Variants in ITSN1 observed in about 807,000 individuals in gnomAD.
ITSN1 encodes intersectin 1, also known as intersectin-1.
A neutral mutation model predicts 239.8 loss-of-function variants in ITSN1; 58 were observed. The observed-to-expected ratio is 0.24, with a 90% CI of 0.20 to 0.30. The LOEUF (loss-of-function observed/expected upper bound fraction) is 0.30. ITSN1 is among the 10% of genes least tolerant of loss of function. The pLI is 1.00. For missense variants in ITSN1, 1,558 were observed against 2,103.3 expected (o/e 0.74, Z 5.07); for synonymous variants, 780 against 770.8 (o/e 1.01, Z -0.20).
intron 8 of ITSN1, among the ~76,000 whole-genome samples, chr21:33,755,881 T>C (rs368823924): frequency 3.3e-5 from 5 of 152,212 alleles, no homozygotes; most frequent in African/African-American, 1.2e-4. Context: ...AAGGCCAGAG[T>C]TAACTTAGGT....
chr21:33,826,461 A>C (rs1379658800), intron 25 of ITSN1, among the ~76,000 whole-genome samples: 3 of 152,208 alleles, frequency 2.0e-5, no homozygotes, highest in Non-Finnish European at 4.4e-5. Context: ...AGCCATGTGA[A>C]AATAAGTCCG....
intron 1 of ITSN1, among the ~76,000 whole-genome samples, chr21:33,652,083 C>T (rs577126347): frequency 6.6e-6 from 1 of 151,304 alleles, no homozygotes; most frequent in Admixed American, 6.6e-5. Flanking sequence ...GTGATAATGA[C>T]TGTTAATACC....
chr21:33,864,325 A>G (rs1981183602), intron 31 of ITSN1, among the ~76,000 whole-genome samples: 1 of 152,184 alleles, frequency 6.6e-6, no homozygotes, highest in Non-Finnish European at 1.5e-5. Flanking sequence ...TGGTCCTGCC[A>G]TGTAGTACCT....
chr21:33,820,888 A>T (rs973825507), intron 24 of ITSN1, among the ~76,000 whole-genome samples: 1 of 152,188 alleles, frequency 6.6e-6, no homozygotes, highest in Non-Finnish European at 1.5e-5. Flanking sequence ...GTTACATCCA[A>T]TCAAGGCTCA....
intron 9 of ITSN1, 62 bp from the exon 10 acceptor site, chr21:33,765,813 A>G (rs766175904): frequency 3.9e-5 from 61 of 1,567,878 alleles, no homozygotes; most frequent in African/African-American, 6.8e-5. Context: ...TAAATCACTA[A>G]TGAATAGTAA....
At position 33,748,938 on chromosome 21, in the gene ITSN1, G is replaced by T. The variant is rs1391429301; in HGVS notation, c.347-1205G>T. On this transcript the variant is annotated intron_variant, in intron 5 of 39. Coordinates refer to ENST00000381318, the MANE Select transcript of ITSN1 (RefSeq NM_003024.3). ...TAAAATTTATTTACTCCACATGAAA[G>T]AAGGTATTAAAGTTGGGACAGAGAA... 4.0e-5 allele frequency among the ~76,000 whole-genome samples: 6 copies of T among 151,034 alleles called. No homozygotes were observed. The East Asian group carries it at 1.2e-3, about 29-fold the overall frequency.
chr21:33,876,296 CTCTT>C (rs1179224984), intron 34 of ITSN1, among the ~76,000 whole-genome samples: 111 of 141,724 alleles, frequency 7.8e-4, no homozygotes, highest in African/African-American at 2.6e-3. Context: ...CCTTCTCTCT[CTCTT>C]TCTTTCTCCT....
chr21:33,836,655 C>T (rs776769923), intron 29 of ITSN1, 23 bp downstream of exon 29: 13 of 1,580,858 alleles, frequency 8.2e-6, no homozygotes, highest in Admixed American at 5.1e-5. Flanking sequence ...GTGGCTCTGT[C>T]GCCTCGCCTC....
chr21:33,653,217 ACTC>A (rs1397208355), intron 1 of ITSN1, among the ~76,000 whole-genome samples: 1 of 151,578 alleles, frequency 6.6e-6, no homozygotes, highest in Non-Finnish European at 1.5e-5. Flanking sequence ...CTGATCTCGA[ACTC>A]CTCACTTCAG....
At position 33,898,214 on chromosome 21, in the gene ITSN1, A is replaced by G. The variant is rs1402918067; in HGVS notation, c.*9914A>G. The G allele has an allele frequency of 6.6e-6, 1 of 152,196 alleles. No homozygotes were observed. Among genetic ancestry groups the G allele is most frequent in the Non-Finnish European group, 1.5e-5 (1 of 68,048 alleles). 9.4% of individuals were successfully genotyped at this position (152,196 alleles called of 1,614,324 possible). A position where few individuals can be genotyped will look rare whatever the true frequency, so the allele number is the denominator to read the frequency against. On this transcript the variant is annotated 3_prime_UTR_variant, in exon 40 of 40. Coordinates refer to ENST00000381318, the MANE Select transcript of ITSN1 (RefSeq NM_003024.3). The stretch of plus-strand genomic sequence containing the variant: ...CTCTGACTTCCAGGTCGCCCTTTCT[A>G]CTTCTGTATCTGGATTGATTCAGTT...
chr21:33,724,722 G>A (rs969690340), intron 4 of ITSN1, among the ~76,000 whole-genome samples: 14 of 152,166 alleles, frequency 9.2e-5, no homozygotes, highest in African/African-American at 2.2e-4. Flanking sequence ...TTACTGAAAC[G>A]GCAGTCTAGT....
chr21:33,670,517 A>T (rs1031020571), intron 1 of ITSN1, among the ~76,000 whole-genome samples: 1 of 152,054 alleles, frequency 6.6e-6, no homozygotes, highest in African/African-American at 2.4e-5. Context: ...CATAAAATGT[A>T]GTCGGAAGAG....
At chr21:33,679,481 C>T (rs1377719444) in intron 1 of ITSN1, among the ~76,000 whole-genome samples, 1 of 152,104 alleles carries the variant, frequency 6.6e-6, no homozygotes, top group East Asian at 1.9e-4. Flanking sequence ...TTATTGCTTT[C>T]TACATTTTAA....
chr21:33,691,761 C>T (rs2091558139), intron 1 of ITSN1, among the ~76,000 whole-genome samples: 1 of 152,328 alleles, frequency 6.6e-6, no homozygotes, highest in East Asian at 1.9e-4. Flanking sequence ...CAGACAGTCA[C>T]CTTCCTGCTG....
At chr21:33,720,450 C>A (rs1282671348) in intron 2 of ITSN1, among the ~76,000 whole-genome samples, 1 of 152,160 alleles carries the variant, frequency 6.6e-6, no homozygotes, top group Admixed American at 6.5e-5. Flanking sequence ...GGACTAAAGT[C>A]TGCAAGATCT....
chr21:33,756,131 C>T (rs1007603442), intron 8 of ITSN1, among the ~76,000 whole-genome samples: 5 of 151,610 alleles, frequency 3.3e-5, no homozygotes, highest in Non-Finnish European at 5.9e-5. Flanking sequence ...CCAACATGGT[C>T]TCTACTAAAA....
At chr21:33,861,864 T>A (rs1287807441) in intron 31 of ITSN1, among the ~76,000 whole-genome samples, 1 of 151,768 alleles carries the variant, frequency 6.6e-6, no homozygotes, top group Non-Finnish European at 1.5e-5. Context: ...GAGAATGGTG[T>A]GAACCTGGGA....
rs562796148 is a variant in ITSN1 at position 33,703,961 on chromosome 21, T to G, written c.-32-14836T>G. Reference sequence around the variant, plus strand: ...AGCTTCCTGCACTCCTGGGTAACTCTCCTGCTTTCTAGGCCACAGGGCCAG... The same window carrying G: ...AGCTTCCTGCACTCCTGGGTAACTCGCCTGCTTTCTAGGCCACAGGGCCAG... On this transcript the variant is annotated intron_variant, in intron 1 of 39. Coordinates refer to ENST00000381318, the MANE Select transcript of ITSN1 (RefSeq NM_003024.3). 1.1e-4 allele frequency among the ~76,000 whole-genome samples: 17 copies of G among 152,280 alleles called. No individual in the cohort carries two copies. In the East Asian group the frequency reaches 3.3e-3, roughly 29 times the overall value.
intron 1 of ITSN1, among the ~76,000 whole-genome samples, chr21:33,655,316 C>T (rs1454267952): frequency 1.3e-5 from 2 of 151,974 alleles, no homozygotes; most frequent in Non-Finnish European, 2.9e-5. Context: ...AAATGTTGAC[C>T]TCCTGCAAAA....
Sources: gnomAD v4.1 joint callset for allele counts (sites outside exome capture counted in the v4.1 genomes callset) on GRCh38, gnomAD v4.1.1 for gene constraint, MANE v1.5 for transcripts, NCBI Gene and HGNC (gene_info 2026-07-23, HGNC 2026-07-21) for gene names.